IGSF3: variants seen among roughly 807,000 people sequenced by gnomAD.
IGSF3 encodes the protein immunoglobulin superfamily member 3.
A neutral mutation model predicts 114.4 loss-of-function variants in IGSF3; 23 were observed. The observed-to-expected ratio is 0.20, with a 90% CI of 0.14 to 0.28. IGSF3 has a LOEUF of 0.28. Ranked by LOEUF, IGSF3 falls within the 10% of genes least tolerant of loss-of-function variation. The probability of loss-of-function intolerance (pLI) is 1.00; values close to 1 mark genes in which losing one functional copy is unlikely to be tolerated. For synonymous variants in IGSF3, 571 were observed against 645.2 expected (o/e 0.88, Z 1.74); for missense variants, 1,172 against 1,591.5 (o/e 0.74, Z 4.48).
In IGSF3 at chr1:116,654,360, C is replaced by G. The variant is rs1648757762; in HGVS notation, c.43+11924G>C. The stretch of plus-strand genomic sequence containing the variant: ...AGGGCTCACGGAGAAGGGGGAAGCT[C>G]TTGGCTACCCAGGAGGTCACCAGTG... On this transcript the variant is annotated intron_variant, in intron 2 of 10. Coordinates refer to ENST00000369486, the MANE Select transcript of IGSF3 (RefSeq NM_001007237.3). The surrounding 1 kb of genome is among the most constrained non-coding windows in gnomAD (Gnocchi z 4.4). 6.6e-6 allele frequency among the ~76,000 whole-genome samples: 1 copy of G among 152,204 alleles called. No individual in the cohort carries two copies. Among genetic ancestry groups the G allele is most frequent in the Non-Finnish European group, 1.5e-5 (1 of 68,032 alleles).
intron 2 of IGSF3, among the ~76,000 whole-genome samples, chr1:116,621,049 T>C (rs969977132): frequency 3.9e-5 from 6 of 152,228 alleles, no homozygotes; most frequent in African/African-American, 1.4e-4. Context: ...CTTTCATGAA[T>C]GATTTAGCTT....
At position 116,589,556 on chromosome 1, in the gene IGSF3, C is replaced by T. The variant is rs580936; in HGVS notation, c.2030-452G>A. Among the ~76,000 whole-genome samples, 54,949 of 151,864 alleles carry T rather than the reference C, an allele frequency of 0.36. 10,436 individuals are homozygous for T. The highest frequency in any genetic ancestry group is 0.41 in the Non-Finnish European group (27,538 of 67,898). On this transcript the variant is annotated intron_variant, in intron 7 of 10. Coordinates refer to ENST00000369486, the MANE Select transcript of IGSF3 (RefSeq NM_001007237.3). This position sits in a 1 kb window ranked among gnomAD's most constrained non-coding sequence, Gnocchi z 5.7. ...CTCACCCTCAGGCACCCTCCACAGG[C>T]GCATGCCCCTGGTGCAGTTTCCCTG...
Position 116,666,418 on chromosome 1 carries a change from G to C in IGSF3, c.-92C>G, listed in dbSNP as rs1649336858. 2.5e-6 allele frequency: 3 copies of C among 1,187,418 alleles called. No homozygotes were observed. Among genetic ancestry groups the C allele is most frequent in the Admixed American group, 3.4e-5 (2 of 58,116 alleles). 73.6% of individuals were successfully genotyped at this position (1,187,418 alleles called of 1,614,324 possible). A position where few individuals can be genotyped will look rare whatever the true frequency, so the allele number is the denominator to read the frequency against. Reference sequence around the variant, plus strand: ...CTGGCAATCCACTTATAGCTCCAGAGAACAGTTTTGGAAATAGAACTTAAC... The same window carrying C: ...CTGGCAATCCACTTATAGCTCCAGACAACAGTTTTGGAAATAGAACTTAAC... On this transcript the variant is annotated 5_prime_UTR_variant, in exon 2 of 11. Transcript: ENST00000369486.
In IGSF3 at chr1:116,610,142, T is replaced by C. The variant is rs1039954293; in HGVS notation, c.833-1811A>G. 4.6e-5 allele frequency among the ~76,000 whole-genome samples: 7 copies of C among 152,176 alleles called. No individual in the cohort carries two copies. Among genetic ancestry groups the C allele is most frequent in the East Asian group, 1.9e-4 (1 of 5,176 alleles). On this transcript the variant is annotated intron_variant, in intron 4 of 10. Coordinates refer to ENST00000369486, the MANE Select transcript of IGSF3 (RefSeq NM_001007237.3). The surrounding 1 kb of genome is among the most constrained non-coding windows in gnomAD (Gnocchi z 4.3). ...CCATCTGCCTGGATGAACACACCCA[T>C]ATGGGACAGTCCCCGTGTTATCTGC...
In IGSF3 at chr1:116,608,423, C is replaced by A. The variant is rs889705825; in HGVS notation, c.833-92G>T. ...TTAGCACATTCCCACTATCCTTCCT[C>A]TTCTTTACAATACTAACTGCGGGGA... On this transcript the variant is annotated intron_variant, in intron 4 of 10. Transcript: ENST00000369486. 6.6e-6 allele frequency: 6 copies of A among 903,484 alleles called. No homozygotes were observed. In the African/African-American group the frequency reaches 1.0e-4, roughly 15 times the overall value. The allele number at this position is 903,484 out of a possible 1,614,324, so 56.0% of individuals were successfully genotyped here. A position where few individuals can be genotyped will look rare whatever the true frequency, so the allele number is the denominator to read the frequency against.
In IGSF3 at chr1:116,636,057, A is replaced by T. The variant is rs1647814383; in HGVS notation, c.44-19600T>A. On this transcript the variant is annotated intron_variant, in intron 2 of 10. Coordinates refer to ENST00000369486, the MANE Select transcript of IGSF3 (RefSeq NM_001007237.3). The surrounding 1 kb of genome is among the most constrained non-coding windows in gnomAD (Gnocchi z 4.5). ...GAACACCCTTTCCCAGTACACCTCC[A>T]CTCGCCAGAACAACTGTCTTCCTCA... Among the ~76,000 whole-genome samples, 1 of 152,010 alleles carries T rather than the reference A, an allele frequency of 6.6e-6. No homozygotes were observed.
chr1:116,643,295 C>CCA (rs760909910), intron 2 of IGSF3, among the ~76,000 whole-genome samples: 26 of 152,240 alleles, frequency 1.7e-4, no homozygotes, highest in Admixed American at 5.9e-4. Flanking sequence ...TCCCACGCCA[C>CCA]CTCTCTCTTC....
rs1267480327 is a variant in IGSF3 at position 116,606,450 on chromosome 1, A to G, written c.1222+1492T>C. The G allele has an allele frequency of 3.7e-6, 6 of 1,612,286 alleles. No individual in the cohort carries two copies. The African/African-American group carries it at 8.0e-5, about 22-fold the overall frequency. On this transcript the variant is annotated intron_variant, in intron 5 of 10. Coordinates refer to ENST00000369486, the MANE Select transcript of IGSF3 (RefSeq NM_001007237.3). Reference sequence around the variant, plus strand: ...CGCCATTAAAATCCAAGGCATTGTCACCATTACCGATGTGATTGTTGTTGT... The same window carrying G: ...CGCCATTAAAATCCAAGGCATTGTCGCCATTACCGATGTGATTGTTGTTGT...
rs549787637 is a variant in IGSF3 at position 116,644,461 on chromosome 1, G to C, written c.43+21823C>G. Among the ~76,000 whole-genome samples, 87 of 152,342 alleles carry C rather than the reference G, an allele frequency of 5.7e-4. 1 individual carries two copies. In the Middle Eastern group the frequency reaches 0.01, roughly 18 times the overall value. Reference sequence around the variant, plus strand: ...AGGCAGTGTCCCCACTGCCCCAGTGGCTTCTGCATGCAGGTTCATTTGGGA... The same window carrying C: ...AGGCAGTGTCCCCACTGCCCCAGTGCCTTCTGCATGCAGGTTCATTTGGGA... On this transcript the variant is annotated intron_variant, in intron 2 of 10. Coordinates refer to ENST00000369486, the MANE Select transcript of IGSF3 (RefSeq NM_001007237.3). The surrounding 1 kb of genome is among the most constrained non-coding windows in gnomAD (Gnocchi z 5.6).
Position 116,634,693 on chromosome 1 carries a change from G to A in IGSF3, c.44-18236C>T, listed in dbSNP as rs1426397784. On this transcript the variant is annotated intron_variant, in intron 2 of 10. Coordinates refer to ENST00000369486, the MANE Select transcript of IGSF3 (RefSeq NM_001007237.3). The surrounding 1 kb of genome is among the most constrained non-coding windows in gnomAD (Gnocchi z 4.2). The stretch of plus-strand genomic sequence containing the variant: ...GCCTGCTCTGCTTACCCATGGCTTT[G>A]ACACTCCTTCCATCGAGAGGGCAGA... Among the ~76,000 whole-genome samples, 1 of 152,128 alleles carries A rather than the reference G, an allele frequency of 6.6e-6. No individual in the cohort carries two copies. Among genetic ancestry groups the A allele is most frequent in the Non-Finnish European group, 1.5e-5 (1 of 68,032 alleles).
intron 2 of IGSF3, among the ~76,000 whole-genome samples, chr1:116,622,935 A>C (rs1478055151): frequency 6.6e-6 from 1 of 152,240 alleles, no homozygotes; most frequent in Admixed American, 6.5e-5. Context: ...TGGGGAATCT[A>C]TGCAGTCCCA....
intron 2 of IGSF3, among the ~76,000 whole-genome samples, chr1:116,630,272 A>C (rs1376060257): frequency 2.6e-5 from 4 of 152,232 alleles, no homozygotes; most frequent in Non-Finnish European, 5.9e-5. Flanking sequence ...AGATCAGAGA[A>C]GCCTCTTTGG....
In IGSF3 at chr1:116,607,757, T is replaced by C. The variant is rs1660844382; in HGVS notation, c.1222+185A>G. On this transcript the variant is annotated intron_variant, in intron 5 of 10. Transcript: ENST00000369486. The surrounding 1 kb of genome is among the most constrained non-coding windows in gnomAD (Gnocchi z 6.1). The stretch of plus-strand genomic sequence containing the variant: ...TCCTGATCCTCTGCTATGGGGAGCC[T>C]GCTACATGTATGCAGGTGGGCTACA... 6.6e-6 allele frequency among the ~76,000 whole-genome samples: 1 copy of C among 152,188 alleles called. No individual in the cohort carries two copies. The highest frequency in any genetic ancestry group is 2.4e-5 in the African/African-American group (1 of 41,438).
rs374378238 is a variant in IGSF3 at position 116,662,134 on chromosome 1, G to T, written c.43+4150C>A. Among the ~76,000 whole-genome samples the T allele has an allele frequency of 6.6e-6, 1 of 151,828 alleles. No individual in the cohort carries two copies. The highest frequency in any genetic ancestry group is 2.4e-5 in the African/African-American group (1 of 41,284). ...TGCCCAGGCTGGAGTGCAACGGCGC[G>T]ATCTCGGCTCACTGCAACCTCTGCC... On this transcript the variant is annotated intron_variant, in intron 2 of 10. Transcript: ENST00000369486. The surrounding 1 kb of genome is among the most constrained non-coding windows in gnomAD (Gnocchi z 4.3).
intron 2 of IGSF3, among the ~76,000 whole-genome samples, chr1:116,640,108 T>C (rs1010603351): frequency 6.6e-6 from 1 of 151,290 alleles, no homozygotes; most frequent in Non-Finnish European, 1.5e-5. Context: ...TTCTCAGGAT[T>C]AAATAACAAA....
intron 8 of IGSF3, among the ~76,000 whole-genome samples, chr1:116,586,213 CT>C (rs1320526049): frequency 6.6e-6 from 1 of 152,142 alleles, no homozygotes; most frequent in African/African-American, 2.4e-5. Flanking sequence ...TTCATGATTA[CT>C]TTTGTAATTA....
In IGSF3 at chr1:116,588,882, C is replaced by T; in HGVS notation, c.2252G>A (p.Arg751Lys). ...YGTYAEEEGL[R>K]ARLQFERHVS... ...ATGCCTCTCAAACTGGAGCCTGGCT[C>T]TCAGGCCCTCCTCCTCGGCGTAAGT... is the stretch of plus-strand genomic sequence containing the variant. Residue 751 changes from arginine to lysine, a missense_variant, in exon 8 of 11, where the codon AGA (arginine) becomes AAA (lysine). Transcript: ENST00000369486. This position sits in a 1 kb window ranked among gnomAD's most constrained non-coding sequence, Gnocchi z 4.9. 1 of 1,614,216 alleles carries T rather than the reference C, an allele frequency of 6.2e-7. No homozygotes were observed. Among genetic ancestry groups the T allele is most frequent in the Non-Finnish European group, 8.5e-7 (1 of 1,180,032 alleles).
In IGSF3 at chr1:116,615,479, C is replaced by T. The variant is rs529822617; in HGVS notation, c.421+601G>A. On this transcript the variant is annotated intron_variant, in intron 3 of 10. Coordinates refer to ENST00000369486, the MANE Select transcript of IGSF3 (RefSeq NM_001007237.3). The surrounding 1 kb of genome is among the most constrained non-coding windows in gnomAD (Gnocchi z 4.3). ...CAGAACAGCCTTGATAATGGTTAAC[C>T]CTTTGACACTGGCAAACACTATGAC... 5.3e-5 allele frequency among the ~76,000 whole-genome samples: 8 copies of T among 152,262 alleles called. No individual in the cohort carries two copies. Among genetic ancestry groups the T allele is most frequent in the East Asian group, 1.9e-4 (1 of 5,188 alleles).
intron 5 of IGSF3, chr1:116,606,526 G>A (rs1478318085): frequency 3.2e-6 from 4 of 1,247,874 alleles, no homozygotes; most frequent in Non-Finnish European, 4.7e-6. Context: ...GGTGGTGCTG[G>A]GGGACTTTAA....
Sources: gnomAD v4.1 joint callset for allele counts (sites outside exome capture counted in the v4.1 genomes callset) on GRCh38, gnomAD v4.1.1 for gene constraint, Gnocchi (gnomAD v3.1) non-coding constraint, MANE v1.5 for transcripts, NCBI Gene and HGNC (gene_info 2026-07-23, HGNC 2026-07-21) for gene names.